Variants in KCNMA1 observed in about 807,000 individuals in gnomAD.
KCNMA1 encodes potassium calcium-activated channel subfamily M alpha 1.
In KCNMA1, 29 loss-of-function variants were observed where a neutral mutation model predicts 140.0. The observed-to-expected ratio is 0.21, with a 90% CI of 0.15 to 0.28. The LOEUF (loss-of-function observed/expected upper bound fraction) is 0.28, where lower values mean the gene tolerates loss of function less well. Ranked by LOEUF, KCNMA1 falls within the 10% of genes least tolerant of loss-of-function variation. The pLI is 1.00. For synonymous variants in KCNMA1, 612 were observed against 611.9 expected, an observed-to-expected ratio of 1.00 and a Z score of 0.00; for missense variants, 880 against 1,602.2, an observed-to-expected ratio of 0.55 and a Z score of 7.70.
intron 25 of KCNMA1, among the ~76,000 whole-genome samples, chr10:76,900,551 ATAGT>A (rs2044712624): frequency 6.6e-6 from 1 of 152,130 alleles, no homozygotes; most frequent in African/African-American, 2.4e-5. Context: ...ATGTTACTAA[ATAGT>A]TAAAGGCAAA....
At chr10:77,452,053 C>T (rs1328120100) in intron 1 of KCNMA1, among the ~76,000 whole-genome samples, 1 of 152,242 alleles carries the variant, frequency 6.6e-6, no homozygotes, top group African/African-American at 2.4e-5. Context: ...CTGCTTTAGA[C>T]ATGAGATAGC....
In KCNMA1 at chr10:77,090,429, G is replaced by A. The variant is rs201999021; in HGVS notation, c.1305C>T (p.Asp435=). The change falls in exon 10 of 28, where the codon GAC becomes GAT. Residue 435 remains aspartate (D), a synonymous_variant. Transcript: ENST00000286628. ...GAAGAAAAACGATCTCCACATTGAC[G>A]TCATCCCGGTCCTTGTGCAGAAAGT... ...LKDFLHKDRD[D]VNVEIVFLHN... 2.1e-5 allele frequency: 34 copies of A among 1,613,310 alleles called. No homozygotes were observed. Among genetic ancestry groups the A allele is most frequent in the East Asian group, 4.5e-5 (2 of 44,888 alleles).
chr10:76,986,464 G>A (rs2081295498), intron 19 of KCNMA1, among the ~76,000 whole-genome samples: 1 of 152,334 alleles, frequency 6.6e-6, no homozygotes, highest in Non-Finnish European at 1.5e-5. Context: ...CATAGGCCAT[G>A]GGCATCCCAT....
intron 5 of KCNMA1, among the ~76,000 whole-genome samples, chr10:77,160,083 G>T (rs1254789966): frequency 6.6e-6 from 1 of 151,864 alleles, no homozygotes; most frequent in East Asian, 1.9e-4. Context: ...CAAAGAGAAG[G>T]TCCCTAACAG....
intron 4 of KCNMA1, 75 bp downstream of exon 4, chr10:77,184,748 G>T: frequency 1.1e-6 from 1 of 927,872 alleles, no homozygotes. Context: ...CGAGAGCAGA[G>T]GCTGAGGGGG....
In KCNMA1 at chr10:77,092,636, A is replaced by G. The variant is rs528021683; in HGVS notation, c.1224-2126T>C. ...GTGGGCAAAGTATTTATTCCCATTC[A>G]GTGCAGGAGGAAGCTGAGAGGTTAA... On this transcript the variant is annotated intron_variant, in intron 9 of 27. Coordinates refer to ENST00000286628, the MANE Select transcript of KCNMA1 (RefSeq NM_001161352.2). Among the ~76,000 whole-genome samples, 15 of 152,356 alleles carry G rather than the reference A, an allele frequency of 9.8e-5. No homozygotes were observed. The South Asian group carries it at 2.9e-3, about 29-fold the overall frequency.
chr10:77,589,030 C>G (rs1398907968), intron 1 of KCNMA1, among the ~76,000 whole-genome samples: 1 of 152,204 alleles, frequency 6.6e-6, no homozygotes, highest in Non-Finnish European at 1.5e-5. Context: ...TGACATAGCA[C>G]AAAAGTGGCC....
At chr10:77,460,624 G>A (rs1347531983) in intron 1 of KCNMA1, among the ~76,000 whole-genome samples, 1 of 151,996 alleles carries the variant, frequency 6.6e-6, no homozygotes, top group Non-Finnish European at 1.5e-5. Context: ...CAACACAGAG[G>A]GAACTGGAGG....
intron 1 of KCNMA1, among the ~76,000 whole-genome samples, chr10:77,515,289 C>T (rs1195995955): frequency 6.6e-6 from 1 of 151,972 alleles, no homozygotes; most frequent in Non-Finnish European, 1.5e-5. Flanking sequence ...CACAAAGGTA[C>T]ATTTTCAATC....
chr10:77,215,327 G>A (rs2047358054), intron 3 of KCNMA1, among the ~76,000 whole-genome samples: 1 of 133,588 alleles, frequency 7.5e-6, no homozygotes. Context: ...CTGTCGGGAT[G>A]GTCTTTTCTT....
At chr10:77,594,145 G>C (rs1440580459) in intron 1 of KCNMA1, among the ~76,000 whole-genome samples, 1 of 152,144 alleles carries the variant, frequency 6.6e-6, no homozygotes. Flanking sequence ...AAGGGACAAT[G>C]GTCAAAGTCA....
chr10:76,998,972 G>C (rs1050389268), intron 19 of KCNMA1, among the ~76,000 whole-genome samples: 1 of 152,208 alleles, frequency 6.6e-6, no homozygotes, highest in African/African-American at 2.4e-5. Context: ...ACGGCAGGAC[G>C]ACTGATGAAA....
chr10:76,954,928 A>T (rs989463133), intron 20 of KCNMA1, among the ~76,000 whole-genome samples: 5 of 152,178 alleles, frequency 3.3e-5, no homozygotes, highest in African/African-American at 1.2e-4. Flanking sequence ...TGCACCTTGA[A>T]TCATAGTCAA....
At chr10:77,111,404 C>A (rs1269058468) in intron 7 of KCNMA1, among the ~76,000 whole-genome samples, 1 of 152,226 alleles carries the variant, frequency 6.6e-6, no homozygotes, top group Non-Finnish European at 1.5e-5. Flanking sequence ...AGGGACTTCA[C>A]TAATACCCGT....
chr10:77,609,278 T>C (rs1006354715), intron 1 of KCNMA1, among the ~76,000 whole-genome samples: 23 of 152,198 alleles, frequency 1.5e-4, no homozygotes, highest in African/African-American at 5.3e-4. Context: ...AAAAGAAGGA[T>C]ATCCTGCCAT....
At chr10:77,218,841 C>G (rs987421682) in intron 3 of KCNMA1, among the ~76,000 whole-genome samples, 3 of 152,148 alleles carry the variant, frequency 2.0e-5, no homozygotes, top group African/African-American at 4.8e-5. Flanking sequence ...TGCACGCCAC[C>G]ATATCCGGCT....
intron 15 of KCNMA1, among the ~76,000 whole-genome samples, chr10:77,030,620 G>A (rs1406780631): frequency 1.3e-5 from 2 of 152,134 alleles, no homozygotes; most frequent in African/African-American, 2.4e-5. Context: ...GGTAAGAAGG[G>A]AAGTAACAGT....
At chr10:77,485,014 A>G (rs2098444555) in intron 1 of KCNMA1, among the ~76,000 whole-genome samples, 1 of 152,196 alleles carries the variant, frequency 6.6e-6, no homozygotes, top group Non-Finnish European at 1.5e-5. Flanking sequence ...TTAAACATCA[A>G]CTAAGGGATG....
At chr10:77,458,993 G>T (rs1261220797) in intron 1 of KCNMA1, among the ~76,000 whole-genome samples, 1 of 152,184 alleles carries the variant, frequency 6.6e-6, no homozygotes, top group Non-Finnish European at 1.5e-5. Context: ...ATGCCTCAGA[G>T]CTGTGTCATC....
Sources: allele counts gnomAD v4.1 joint callset (sites outside exome capture counted in the v4.1 genomes callset), GRCh38; gene constraint gnomAD v4.1.1; transcripts MANE v1.5; gene names NCBI Gene and HGNC (gene_info 2026-07-23, HGNC 2026-07-21).